The following ERC2 variants were observed in gnomAD, a reference collection of about 807,000 sequenced individuals.
The protein encoded by ERC2 is ELKS/RAB6-interacting/CAST family member 2.
In ERC2, 42 loss-of-function variants were observed where a neutral mutation model predicts 114.8. The observed-to-expected ratio is 0.37, with a 90% confidence interval of 0.29 to 0.47. The LOEUF (loss-of-function observed/expected upper bound fraction) is 0.47. Among genes scored for constraint, ERC2 ranks in the 20% least tolerant of loss-of-function variants. ERC2 has a pLI of 0.99. For missense variants in ERC2, 939 were observed against 1,150.7 expected, an observed-to-expected ratio of 0.82 and a Z score of 2.66; for synonymous variants, 454 against 425.5, an observed-to-expected ratio of 1.07 and a Z score of -0.82.
chr3:56,305,525 C>CACAT (rs936119415), intron 2 of ERC2, among the ~76,000 whole-genome samples: 1 of 150,218 alleles, frequency 6.7e-6, no homozygotes, highest in African/African-American at 2.5e-5. Context: ...CACACACACA[C>CACAT]ACACACACAC....
intron 13 of ERC2, among the ~76,000 whole-genome samples, chr3:55,918,489 G>A (rs1243494939): frequency 6.6e-6 from 1 of 152,056 alleles, no homozygotes; most frequent in Non-Finnish European, 1.5e-5. Flanking sequence ...GGCCCAAGGT[G>A]CTAGATTAGA....
At chr3:56,131,236 T>C (rs1274012678) in intron 6 of ERC2, among the ~76,000 whole-genome samples, 1 of 152,186 alleles carries the variant, frequency 6.6e-6, no homozygotes, top group African/African-American at 2.4e-5. Context: ...CAATAAAAAT[T>C]TCAAATGAAG....
chr3:55,518,628 A>T (rs1200805985), intron 17 of ERC2, among the ~76,000 whole-genome samples: 2 of 152,254 alleles, frequency 1.3e-5, no homozygotes, highest in Non-Finnish European at 2.9e-5. Context: ...TGCAAACACA[A>T]AGTGGTCATT....
intron 15 of ERC2, among the ~76,000 whole-genome samples, chr3:55,717,710 G>T (rs1357787715): frequency 1.3e-5 from 2 of 152,150 alleles, no homozygotes; most frequent in Non-Finnish European, 2.9e-5. Flanking sequence ...GGAGAATGAG[G>T]CCTCTCCTTT....
At chr3:56,103,008 G>A (rs1234828135) in intron 6 of ERC2, among the ~76,000 whole-genome samples, 2 of 152,094 alleles carry the variant, frequency 1.3e-5, no homozygotes, top group African/African-American at 4.8e-5. Flanking sequence ...TTAGCAGGAA[G>A]GACAACTAAA....
chr3:56,101,748 G>C (rs1312733982), intron 6 of ERC2, among the ~76,000 whole-genome samples: 1 of 152,164 alleles, frequency 6.6e-6, no homozygotes, highest in Non-Finnish European at 1.5e-5. Flanking sequence ...CTATAATATA[G>C]AGGAAGTCAT....
chr3:55,518,696 G>GA (rs1054800557), intron 17 of ERC2, among the ~76,000 whole-genome samples: 1 of 151,122 alleles, frequency 6.6e-6, no homozygotes, highest in African/African-American at 2.4e-5. Context: ...TACTAGAAAA[G>GA]AAAAAAAAAG....
intron 6 of ERC2, among the ~76,000 whole-genome samples, chr3:56,089,571 G>GTCT (rs1350094105): frequency 4.0e-5 from 6 of 150,528 alleles, no homozygotes; most frequent in Admixed American, 2.7e-4. Context: ...TTTTTGTATT[G>GTCT]TCTTCAAAAT....
intron 14 of ERC2, among the ~76,000 whole-genome samples, chr3:55,870,788 G>A (rs2062547761): frequency 6.6e-6 from 1 of 152,188 alleles, no homozygotes; most frequent in African/African-American, 2.4e-5. Flanking sequence ...ACATTTAATT[G>A]TCACCACTCA....
chr3:56,243,474 A>C (rs1351353341), intron 3 of ERC2, among the ~76,000 whole-genome samples: 1 of 152,220 alleles, frequency 6.6e-6, no homozygotes, highest in Non-Finnish European at 1.5e-5. Flanking sequence ...AGAAGGATGT[A>C]CAGTCACGGC....
intron 3 of ERC2, among the ~76,000 whole-genome samples, chr3:56,291,291 T>C (rs1447066134): frequency 6.6e-6 from 1 of 152,194 alleles, no homozygotes; most frequent in Non-Finnish European, 1.5e-5. Context: ...ACAATGCTAG[T>C]GAGTAATGCT....
intron 14 of ERC2, among the ~76,000 whole-genome samples, chr3:55,833,090 C>T (rs2060688223): frequency 6.7e-6 from 1 of 149,258 alleles, no homozygotes; most frequent in African/African-American, 2.5e-5. Flanking sequence ...ACAAAGCCTC[C>T]AAGAAATATG....
chr3:56,201,840 A>T lies in ERC2; in HGVS notation c.1075-28320T>A, dbSNP rs112873942. On this transcript the variant is annotated intron_variant, in intron 3 of 17. Transcript: ENST00000288221. ...CATGGAACAATTTCTTCTTTACAAC[A>T]GTAGGAGAGCAACATCTTACTATGT... 3.1e-3 allele frequency among the ~76,000 whole-genome samples: 478 copies of T among 152,366 alleles called. 1 individual carries two copies. Among genetic ancestry groups the T allele is most frequent in the African/African-American group, 0.011 (461 of 41,588 alleles).
intron 3 of ERC2, among the ~76,000 whole-genome samples, chr3:56,288,060 G>GGCTTTATATACCAA (rs745483826): frequency 5.9e-5 from 9 of 152,100 alleles, no homozygotes; most frequent in Non-Finnish European, 8.8e-5. Flanking sequence ...TGTGTTTATA[G>GGCTTTATATACCAA]GCTTTATATA....
At chr3:55,758,799 G>T (rs2067226630) in intron 14 of ERC2, among the ~76,000 whole-genome samples, 1 of 152,166 alleles carries the variant, frequency 6.6e-6, no homozygotes, top group Non-Finnish European at 1.5e-5. Flanking sequence ...TTCCAAGAAG[G>T]TTATGGTGGG....
intron 17 of ERC2, among the ~76,000 whole-genome samples, chr3:55,680,688 G>C (rs1299334019): frequency 6.6e-6 from 1 of 152,124 alleles, no homozygotes; most frequent in Non-Finnish European, 1.5e-5. Context: ...GCTTTGCCAG[G>C]GATGCCTATG....
chr3:55,864,044 T>A (rs1271806317), intron 14 of ERC2, among the ~76,000 whole-genome samples: 2 of 149,294 alleles, frequency 1.3e-5, no homozygotes, highest in Non-Finnish European at 3.0e-5. Context: ...TTTTCACCCC[T>A]TCTACCCATC....
intron 17 of ERC2, among the ~76,000 whole-genome samples, chr3:55,544,859 G>T (rs1176344624): frequency 1.3e-5 from 2 of 152,130 alleles, no homozygotes; most frequent in Non-Finnish European, 2.9e-5. Flanking sequence ...AAACAACAAA[G>T]GAAGAATTAC....
chr3:56,049,728 C>G (rs574627539), intron 7 of ERC2, among the ~76,000 whole-genome samples: 8 of 152,280 alleles, frequency 5.3e-5, no homozygotes, highest in African/African-American at 1.9e-4. Context: ...GGGACTCACA[C>G]TGGCTTCCTT....
Sources: gnomAD v4.1 joint callset for allele counts (sites outside exome capture counted in the v4.1 genomes callset) on GRCh38, gnomAD v4.1.1 for gene constraint, MANE v1.5 for transcripts, NCBI Gene and HGNC (gene_info 2026-07-23, HGNC 2026-07-21) for gene names.